Variants in EGF observed in about 807,000 individuals in gnomAD.
The protein encoded by EGF is pro-epidermal growth factor.
In EGF, 95 loss-of-function variants were observed where a neutral mutation model predicts 143.8. The ratio of observed to expected loss-of-function variants is 0.66; its 90% CI spans 0.56 to 0.78. EGF has a LOEUF of 0.78. Among genes scored for constraint, EGF ranks in the 30% least tolerant of loss-of-function variants. EGF has a pLI of 0.00. For missense variants in EGF, 1,320 were observed against 1,470.9 expected (o/e 0.90, Z 1.68); for synonymous variants, 510 against 510.5 (o/e 1.00, Z 0.01).
At chr4:110,010,412 T>G (rs1444490368) in intron 23 of EGF, among the ~76,000 whole-genome samples, 1 of 138,186 alleles carries the variant, frequency 7.2e-6, no homozygotes, top group Non-Finnish European at 1.5e-5. Context: ...TTGTAATTTT[T>G]TTAAAAAAAT....
At chr4:110,004,698 G>GATTCC in intron 22 of EGF, 76 bp downstream of exon 22, 2 of 1,160,636 alleles carry the variant, frequency 1.7e-6, no homozygotes, top group Non-Finnish European at 2.4e-6. Flanking sequence ...TTTTTTCACT[G>GATTCC]AGTTCAGAAT....
chr4:109,968,673 C>CATCTATCTATCT lies in EGF; in HGVS notation c.1576-272_1576-261dup, dbSNP rs10530188. Reference sequence around the variant, plus strand: ...ATATATGTATATTTATATCTATATACATCTATCTATCTATCTATCTATCTA... The same window carrying CATCTATCTATCT: ...ATATATGTATATTTATATCTATATACATCTATCTATCTATCTATCTATCTATCTATCTATCTA... On this transcript the variant is annotated intron_variant, in intron 10 of 23. Coordinates refer to ENST00000265171, the MANE Select transcript of EGF (RefSeq NM_001963.6). 46,697 of 350,410 alleles carry CATCTATCTATCT rather than the reference C, an allele frequency of 0.13. 2,814 individuals are homozygous for CATCTATCTATCT. Among genetic ancestry groups the CATCTATCTATCT allele is most frequent in the African/African-American group, 0.17 (7,677 of 44,242 alleles). 21.7% of individuals were successfully genotyped at this position (350,410 alleles called of 1,614,324 possible).
chr4:109,932,599 C>G (rs181951920), intron 1 of EGF, among the ~76,000 whole-genome samples: 2 of 151,428 alleles, frequency 1.3e-5, no homozygotes, highest in Non-Finnish European at 2.9e-5. Context: ...AGGAAGGTCT[C>G]GATCTCCTGA....
At chr4:109,979,396 A>C (rs1748981988) in intron 13 of EGF, among the ~76,000 whole-genome samples, 1 of 152,040 alleles carries the variant, frequency 6.6e-6, no homozygotes, top group African/African-American at 2.4e-5. Flanking sequence ...AGGAAGGGTG[A>C]CATCAGGGGC....
At chr4:109,961,749 A>G (rs2126060295) in intron 7 of EGF, 114 bp from the exon 8 acceptor site, 1 of 1,414,788 alleles carries the variant, frequency 7.1e-7, no homozygotes, top group Non-Finnish European at 9.8e-7. Flanking sequence ...CTGTAATCCC[A>G]ACACTTTGGG....
chr4:109,951,569 G>A (rs1457205510), intron 5 of EGF, among the ~76,000 whole-genome samples: 1 of 152,074 alleles, frequency 6.6e-6, no homozygotes, highest in Non-Finnish European at 1.5e-5. Context: ...ATTATTGCAT[G>A]GGTACAAAAT....
chr4:109,927,805 CCG>C (rs1491113745), intron 1 of EGF, among the ~76,000 whole-genome samples: 17 of 80,674 alleles, frequency 2.1e-4, no homozygotes, highest in South Asian at 5.1e-4. Context: ...CTGAATTTTG[CCG>C]TGTGTGTGTG....
At chr4:109,967,700 G>T (rs1280728266) in intron 10 of EGF, among the ~76,000 whole-genome samples, 1 of 152,012 alleles carries the variant, frequency 6.6e-6, no homozygotes, top group South Asian at 2.1e-4. Context: ...AAAGAACTTC[G>T]CATTGGCAAG....
rs1754023103 is a variant in EGF at position 110,011,790 on chromosome 4, T to C, written c.*335T>C. On this transcript the variant is annotated 3_prime_UTR_variant, in exon 24 of 24. Coordinates refer to ENST00000265171, the MANE Select transcript of EGF (RefSeq NM_001963.6). ...GTTGTTCCTGCAGCCCCAGAAGAAA[T>C]TAGGGGTTAAAGCAGACAGTCACAC... 2.8e-6 allele frequency: 1 copy of C among 363,144 alleles called. No individual in the cohort carries two copies. Among genetic ancestry groups the C allele is most frequent in the Non-Finnish European group, 5.2e-6 (1 of 191,578 alleles). The allele number at this position is 363,144 out of a possible 1,614,324, so 22.5% of individuals were successfully genotyped here.
rs756663067 is a variant in EGF at position 110,011,451 on chromosome 4, A to G, written c.3620A>G (p.Gln1207Arg). ...CCACCACACCAAATGGAGCTGACTC[A>G]GTGAAAACTGGAATTAAAAGGAAAG... ...LDPPHQMELT[Q>R] The change falls in exon 24 of 24, where the codon CAG becomes CGG. Residue 1207 changes from glutamine to arginine, a missense_variant. Around this residue, in one of 5 missense-constraint regions of EGF, gnomAD observed 1,186 missense variants for 1,313.7 expected, o/e 0.90. Coordinates refer to ENST00000265171, the MANE Select transcript of EGF (RefSeq NM_001963.6). The G allele has an allele frequency of 6.2e-7, 1 of 1,614,212 alleles. No homozygotes were observed. Among genetic ancestry groups the G allele is most frequent in the Middle Eastern group, 1.7e-4 (1 of 6,060 alleles).
At chr4:109,919,628 G>A (rs988961790) in intron 1 of EGF, among the ~76,000 whole-genome samples, 10 of 147,498 alleles carry the variant, frequency 6.8e-5, no homozygotes, top group Non-Finnish European at 1.3e-4. Flanking sequence ...TTGTGCTCAG[G>A]TGAAATGGTA....
At chr4:109,991,228 T>C (rs1008312372) in intron 18 of EGF, among the ~76,000 whole-genome samples, 35 of 148,406 alleles carry the variant, frequency 2.4e-4, no homozygotes, top group African/African-American at 8.3e-4. Flanking sequence ...AATATCAGTG[T>C]AAAAATTATT....
intron 22 of EGF, 98 bp downstream of exon 22, chr4:110,004,720 G>T: frequency 1.1e-6 from 1 of 876,360 alleles, no homozygotes. Flanking sequence ...ACTGGAATCA[G>T]TTATAGCTTC....
intron 20 of EGF, among the ~76,000 whole-genome samples, chr4:109,998,568 G>A (rs1036351657): frequency 2.0e-5 from 3 of 152,186 alleles, no homozygotes; most frequent in African/African-American, 7.2e-5. Flanking sequence ...CTAGCAGGAT[G>A]TCAAACACAC....
chr4:109,947,812 T>G (rs1469093309), intron 5 of EGF, among the ~76,000 whole-genome samples: 2 of 152,204 alleles, frequency 1.3e-5, no homozygotes, highest in Non-Finnish European at 2.9e-5. Context: ...TTCAAAGTGT[T>G]TTCATGGGCT....
At chr4:109,956,337 G>A (rs1390072525) in intron 5 of EGF, among the ~76,000 whole-genome samples, 2 of 152,034 alleles carry the variant, frequency 1.3e-5, no homozygotes, top group African/African-American at 4.8e-5. Flanking sequence ...ATTTTTATAG[G>A]GCAAAGGAAA....
chr4:109,963,875 T>C (rs1255946858), intron 9 of EGF, among the ~76,000 whole-genome samples: 3 of 152,200 alleles, frequency 2.0e-5, no homozygotes, highest in Non-Finnish European at 4.4e-5. Context: ...CCTGTATACC[T>C]TGCCCTAGTG....
At position 109,976,147 on chromosome 4, in the gene EGF, G is replaced by A. The variant is rs1413880068; in HGVS notation, c.1965G>A (p.Lys655=). The A allele has an allele frequency of 3.1e-6, 5 of 1,614,058 alleles. No individual in the cohort carries two copies. Among genetic ancestry groups the A allele is most frequent in the East Asian group, 4.5e-5 (2 of 44,890 alleles). Residue 655 remains lysine (K), a synonymous_variant, in exon 13 of 24, where the codon AAG becomes AAA. Coordinates refer to ENST00000265171, the MANE Select transcript of EGF (RefSeq NM_001963.6). ...SGITIDFLTD[K]LYWCDAKQSV... ...TAACGATTGACTTCTTAACTGACAA[G>A]TTGTACTGGTGCGATGCCAAGCAGT... is the stretch of plus-strand genomic sequence containing the variant.
chr4:109,951,059 C>A (rs1380261600), intron 5 of EGF, among the ~76,000 whole-genome samples: 1 of 151,952 alleles, frequency 6.6e-6, no homozygotes, highest in African/African-American at 2.4e-5. Context: ...GTAATCCCAG[C>A]ACCTTGGGAG....
Sources: allele counts gnomAD v4.1 joint callset (sites outside exome capture counted in the v4.1 genomes callset), GRCh38; gene constraint gnomAD v4.1.1; regional missense constraint gnomAD v4.1.1; transcripts MANE v1.5; gene names NCBI Gene and HGNC (gene_info 2026-07-23, HGNC 2026-07-21).